CFAP65: variants seen among roughly 807,000 people sequenced by gnomAD.
The protein encoded by CFAP65 is cilia and flagella associated protein 65.
In CFAP65, 155 loss-of-function variants were observed where a neutral mutation model predicts 208.0. That is an observed-to-expected ratio of 0.75 (90% CI 0.65 to 0.85). The LOEUF (loss-of-function observed/expected upper bound fraction) is 0.85. Among genes scored for constraint, CFAP65 ranks in the 40% least tolerant of loss-of-function variants. CFAP65 has a pLI of 0.00. For synonymous variants in CFAP65, 970 were observed against 986.3 expected, an observed-to-expected ratio of 0.98 and a Z score of 0.31; for missense variants, 2,294 against 2,451.3, an observed-to-expected ratio of 0.94 and a Z score of 1.36.
chr2:219,026,984 C>T (rs1268363260), intron 13 of CFAP65: 1 of 989,738 alleles, frequency 1.0e-6, no homozygotes, highest in East Asian at 1.1e-4. Context: ...CATTAAGGAA[C>T]TTGCCCAAGG....
At position 219,024,211 on chromosome 2, in the gene CFAP65, A is replaced by G; in HGVS notation, c.2399T>C (p.Leu800Pro). Reference protein sequence around the residue: ...SGEPTYRSLLLVNKDCKLLTF... With the variant: ...SGEPTYRSLLPVNKDCKLLTF... Reference sequence around the variant, plus strand: ...CAGCAGCTTGCAGTCTTTGTTGACCAGGAGCAGGCTGCGGTAGGTGGGCTC... The same window carrying G: ...CAGCAGCTTGCAGTCTTTGTTGACCGGGAGCAGGCTGCGGTAGGTGGGCTC... Residue 800 changes from leucine to proline, a missense_variant, in exon 15 of 35, where the codon CTG becomes CCG. Physicochemically the swap from Leu to Pro is moderately conservative, Grantham distance 98. Around this residue, in one of 2 missense-constraint regions of CFAP65, gnomAD observed 1,427 missense variants for 1,438.7 expected, o/e 0.99. Transcript: ENST00000341552. 4.3e-6 allele frequency: 7 copies of G among 1,613,892 alleles called. No individual in the cohort carries two copies. The highest frequency in any genetic ancestry group is 5.9e-6 in the Non-Finnish European group (7 of 1,180,018).
Position 219,013,556 on chromosome 2 carries a change from G to A in CFAP65, c.3809C>T (p.Pro1270Leu). The A allele has an allele frequency of 6.2e-7, 1 of 1,601,432 alleles. No individual in the cohort carries two copies. Among genetic ancestry groups the A allele is most frequent in the Non-Finnish European group, 8.5e-7 (1 of 1,175,414 alleles). The change falls in exon 23 of 35, where the codon CCA becomes CTA. Residue 1270 changes from proline (P) to leucine (L), a missense_variant. Pro to Leu is a moderately conservative substitution (Grantham distance 98). Around this residue, in one of 2 missense-constraint regions of CFAP65, gnomAD observed 1,427 missense variants for 1,438.7 expected, o/e 0.99. Coordinates refer to ENST00000341552, the MANE Select transcript of CFAP65 (RefSeq NM_194302.4). Reference protein sequence around the residue: ...SHLFIGTDHLPVLFKVSHGRE... With the variant: ...SHLFIGTDHLLVLFKVSHGRE... The stretch of plus-strand genomic sequence containing the variant: ...GCCATGGGACACCTTGAAGAGCACT[G>A]GGAGGTGATCAGTACCGATGAACAG...
Position 219,013,912 on chromosome 2 carries a change from C to T in CFAP65, c.3735G>A (p.Gly1245=). ...TCTGCTCCTGCCCAGGACTCAGGCT[C>T]CCAGCCTTGGGGCTGATGGAGAAGA... is the stretch of plus-strand genomic sequence containing the variant. ...NCLFSISPKA[G]SLSPGQEQMV... is the part of the protein sequence containing the mutation. Residue 1245 remains glycine, a synonymous_variant, in exon 22 of 35, where the codon GGG becomes GGA. Coordinates refer to ENST00000341552, the MANE Select transcript of CFAP65 (RefSeq NM_194302.4). 2 of 1,613,638 alleles carry T rather than the reference C, an allele frequency of 1.2e-6. No individual in the cohort carries two copies. Among genetic ancestry groups the T allele is most frequent in the African/African-American group, 1.3e-5 (1 of 75,032 alleles).
rs1353747469 is a variant in CFAP65, at chr2:219,004,965, CTT to C, written c.5051+467_5051+468del. Among the ~76,000 whole-genome samples, 4 of 146,082 alleles carry C rather than the reference CTT, an allele frequency of 2.7e-5. No individual in the cohort carries two copies. The highest frequency in any genetic ancestry group is 1.0e-4 in the African/African-American group (4 of 38,230). ...TTTCTTTCTTTCTTTCTTTCTCTCT[CTT>C]TCTTTCTTTCTCTCTTTCTGTCTTT... On this transcript the variant is annotated intron_variant, in intron 32 of 34. Transcript: ENST00000341552. The surrounding 1 kb of genome is among the most constrained non-coding windows in gnomAD (Gnocchi z 4.7).
Position 219,013,852 on chromosome 2 carries a change from G to T in CFAP65, c.3779+16C>A, listed in dbSNP as rs542053554. On this transcript the variant is annotated intron_variant, in intron 22 of 34. Transcript: ENST00000341552. ...CTATGACTGGAAGTGCAGGGGGTTT[G>T]GGGGGTGGGGAACACCTGTATTTTA... 1.3e-5 allele frequency: 20 copies of T among 1,569,894 alleles called. No individual in the cohort carries two copies. The highest frequency in any genetic ancestry group is 1.8e-4 in the Middle Eastern group (1 of 5,610).
intron 16 of CFAP65, among the ~76,000 whole-genome samples, 162 bp downstream of exon 16, chr2:219,023,045 G>C (rs966678233): frequency 2.6e-5 from 4 of 152,204 alleles, no homozygotes; most frequent in African/African-American, 9.7e-5. Flanking sequence ...GTAAAATGGT[G>C]GGGGGATGGT....
chr2:219,006,583 C>G, intron 29 of CFAP65, 74 bp from the exon 30 acceptor site: 1 of 1,489,850 alleles, frequency 6.7e-7, no homozygotes, highest in East Asian at 2.3e-5. Context: ...CCTGTAATCC[C>G]AGCACTTTGG....
At chr2:219,018,880 C>T (rs1947080760) in intron 21 of CFAP65, 171 bp downstream of exon 21, 2 of 852,930 alleles carry the variant, frequency 2.3e-6, no homozygotes, top group African/African-American at 1.7e-5. Flanking sequence ...GCCCGGAGTC[C>T]TGCTGGCAAC....
At chr2:219,016,709 C>T (rs888083872) in intron 21 of CFAP65, among the ~76,000 whole-genome samples, 2 of 152,188 alleles carry the variant, frequency 1.3e-5, no homozygotes, top group Admixed American at 1.3e-4. Context: ...CAACATGTCC[C>T]CTTGCCTCAA....
chr2:219,028,572 G>T (rs1261974203), intron 11 of CFAP65, among the ~76,000 whole-genome samples, 171 bp from the exon 12 acceptor site: 1 of 152,086 alleles, frequency 6.6e-6, no homozygotes, highest in African/African-American at 2.4e-5. Context: ...CTCAGCCAGG[G>T]CACAGCAGGA....
intron 11 of CFAP65, among the ~76,000 whole-genome samples, chr2:219,029,112 C>T (rs114984628): frequency 9.2e-5 from 14 of 152,324 alleles, no homozygotes; most frequent in Non-Finnish European, 2.1e-4. Flanking sequence ...CAGGGCTCAG[C>T]GGGAGGGTGG....
At position 219,024,471 on chromosome 2, in the gene CFAP65, G is replaced by T. The variant is rs1250971596; in HGVS notation, c.2350-211C>A. On this transcript the variant is annotated intron_variant, in intron 14 of 34. Coordinates refer to ENST00000341552, the MANE Select transcript of CFAP65 (RefSeq NM_194302.4). ...TTTGTTCTCCAGAGACCTCCAGAAA[G>T]GGGCGGGGGGGGGGCAGGGGGGCGG... 3.2e-5 allele frequency among the ~76,000 whole-genome samples: 4 copies of T among 124,112 alleles called. No individual in the cohort carries two copies. In the South Asian group the frequency reaches 1.2e-3, roughly 37 times the overall value. 81.4% of individuals were successfully genotyped at this position (124,112 alleles called of 152,430 possible).
chr2:219,021,945 C>T lies in CFAP65; in HGVS notation c.2980-15G>A. On this transcript the variant is annotated splice_polypyrimidine_tract_variant and intron_variant, in intron 17 of 34. Transcript: ENST00000341552. ...TTTTCCTTTGCCTGGAGGCCACAGT[C>T]AGCCAGCCGGGAGTGGGAGCTCCTC... The T allele has an allele frequency of 6.2e-7, 1 of 1,612,590 alleles. No individual in the cohort carries two copies. The highest frequency in any genetic ancestry group is 8.5e-7 in the Non-Finnish European group (1 of 1,179,690).
At position 219,030,055 on chromosome 2, in the gene CFAP65, C is replaced by T. The variant is rs1258338255; in HGVS notation, c.1315G>A (p.Asp439Asn). 5 of 1,613,940 alleles carry T rather than the reference C, an allele frequency of 3.1e-6. No homozygotes were observed. The highest frequency in any genetic ancestry group is 1.3e-5 in the African/African-American group (1 of 74,886). Residue 439 changes from aspartate (D) to asparagine (N), a missense_variant, in exon 10 of 35, where the codon GAC (aspartate) becomes AAC (asparagine). This residue lies in a region of CFAP65 where 867 missense variants were observed against 1,012.6 expected (regional missense o/e 0.86). Transcript: ENST00000341552. ...CCAGAAGGCATGATGGAGCAGTAGT[C>T]CACAGTTCTGGTGTCCAGAGTCTTG... is the stretch of plus-strand genomic sequence containing the variant. ...HPKTLDTRTV[D>N]YCSIMPSGCA...
chr2:219,038,524 G>C lies in CFAP65; in HGVS notation c.208C>G (p.Gln70Glu). Residue 70 changes from glutamine (Q) to glutamate (E), a missense_variant, in exon 4 of 35, where the codon CAG (glutamine) becomes GAG (glutamate). By Grantham distance (29) the Gln-to-Glu change is conservative. Coordinates refer to ENST00000341552, the MANE Select transcript of CFAP65 (RefSeq NM_194302.4). The part of the protein sequence containing the change: ...GLCPKDMMLT[Q>E]APSSVVRSRN... ...GACCTCACGACGGAGCTTGGAGCCTGGGTGAGCATCATGTCCTTGGGACAC... is the reference window on the plus strand; with the variant it reads ...GACCTCACGACGGAGCTTGGAGCCTCGGTGAGCATCATGTCCTTGGGACAC... 1 of 1,614,186 alleles carries C rather than the reference G, an allele frequency of 6.2e-7. No individual in the cohort carries two copies. Among genetic ancestry groups the C allele is most frequent in the Non-Finnish European group, 8.5e-7 (1 of 1,180,028 alleles).
At position 219,022,198 on chromosome 2, in the gene CFAP65, C is replaced by T; in HGVS notation, c.2952G>A (p.Val984=). 1 of 1,604,412 alleles carries T rather than the reference C, an allele frequency of 6.2e-7. No homozygotes were observed. Among genetic ancestry groups the T allele is most frequent in the South Asian group, 1.1e-5 (1 of 89,466 alleles). The change falls in exon 17 of 35, where the codon GTG becomes GTA. Residue 984 remains valine (V), a synonymous_variant. Coordinates refer to ENST00000341552, the MANE Select transcript of CFAP65 (RefSeq NM_194302.4). ...AGAGGCTGCTGGTGAGCCCAACGCC[C>T]ACCAGCCGGAGCATGTAGTGGGTGG... ...AATTHYMLRL[V]GVGLTSSLSA...
Position 219,004,275 on chromosome 2 carries a change from C to T in CFAP65, c.5232G>A (p.Lys1744=), listed in dbSNP as rs2106042238. Residue 1744 remains lysine, a synonymous_variant, in exon 33 of 35, where the codon AAG becomes AAA. Transcript: ENST00000341552. The surrounding 1 kb of genome is among the most constrained non-coding windows in gnomAD (Gnocchi z 4.7). The part of the protein sequence containing the change: ...PSSSWEDGKG[K]QPKEDRPEHY... ...GCTCTGGTCTGTCTTCCTTCGGCTG[C>T]TTGCCCTTCCCATCCTCCCAGCTGC... is the stretch of plus-strand genomic sequence containing the variant. The T allele has an allele frequency of 4.3e-6, 7 of 1,614,162 alleles. No homozygotes were observed. The highest frequency in any genetic ancestry group is 5.9e-6 in the Non-Finnish European group (7 of 1,180,038).
Position 219,013,581 on chromosome 2 carries a change from G to A in CFAP65, c.3784C>T (p.Leu1262=). 2 of 1,598,442 alleles carry A rather than the reference G, an allele frequency of 1.3e-6. No homozygotes were observed. Among genetic ancestry groups the A allele is most frequent in the Non-Finnish European group, 1.7e-6 (2 of 1,174,020 alleles). The part of the protein sequence containing the change: ...EQMVELKYSH[L]FIGTDHLPVL... Reference sequence around the variant, plus strand: ...GGGAGGTGATCAGTACCGATGAACAGGTGGCTAGAAAGAAACAGATAAGTC... The same window carrying A: ...GGGAGGTGATCAGTACCGATGAACAAGTGGCTAGAAAGAAACAGATAAGTC... Residue 1262 remains leucine, a synonymous_variant, in exon 23 of 35, where the codon CTG becomes TTG. Transcript: ENST00000341552.
intron 24 of CFAP65, among the ~76,000 whole-genome samples, chr2:219,012,555 C>T (rs533550136): frequency 2.4e-4 from 37 of 152,318 alleles, no homozygotes; most frequent in Non-Finnish European, 4.9e-4. Flanking sequence ...ACATGGGCTT[C>T]TAAATGATTA....
Sources: gnomAD v4.1 joint callset for allele counts (sites outside exome capture counted in the v4.1 genomes callset) on GRCh38, gnomAD v4.1.1 for gene constraint, gnomAD v4.1.1 regional missense constraint, Gnocchi (gnomAD v3.1) non-coding constraint, MANE v1.5 for transcripts, NCBI Gene and HGNC (gene_info 2026-07-23, HGNC 2026-07-21) for gene names.